PDE4D: variants seen among roughly 807,000 people sequenced by gnomAD.
PDE4D encodes phosphodiesterase 4D, also known as 3',5'-cyclic-AMP phosphodiesterase 4D.
Under a neutral mutation model 87.4 loss-of-function variants are expected in PDE4D, and 24 were observed. That is an observed-to-expected ratio of 0.27 (90% CI 0.20 to 0.39). The LOEUF is 0.39. Among genes scored for constraint, PDE4D ranks in the 10% least tolerant of loss-of-function variants. The pLI is 1.00. For missense variants in PDE4D, 714 were observed against 1,041.0 expected, an observed-to-expected ratio of 0.69 and a Z score of 4.32; for synonymous variants, 384 against 383.2, an observed-to-expected ratio of 1.00 and a Z score of -0.02.
chr5:59,594,670 C>T (rs1826420160), intron 1 of PDE4D, among the ~76,000 whole-genome samples: 1 of 152,044 alleles, frequency 6.6e-6, no homozygotes, highest in African/African-American at 2.4e-5. Flanking sequence ...TTATCCAGTA[C>T]ATGCCCAGCT....
rs1798818467 is a variant in PDE4D at position 59,449,433 on chromosome 5, T to A, written c.456-233465A>T. On this transcript the variant is annotated intron_variant, in intron 1 of 14. Coordinates refer to ENST00000340635, the MANE Select transcript of PDE4D (RefSeq NM_001104631.2). Reference sequence around the variant, plus strand: ...ATTCCTTCTAACGTCGTTATAAAACTTTAAAAATGCTCTACCCAGTAAAAC... The same window carrying A: ...ATTCCTTCTAACGTCGTTATAAAACATTAAAAATGCTCTACCCAGTAAAAC... Among the ~76,000 whole-genome samples, 3 of 152,216 alleles carry A rather than the reference T, an allele frequency of 2.0e-5. No individual in the cohort carries two copies. The South Asian group carries it at 6.2e-4, about 31-fold the overall frequency.
intron 1 of PDE4D, among the ~76,000 whole-genome samples, chr5:59,668,861 G>C (rs1746630294): frequency 1.5e-5 from 1 of 67,232 alleles, no homozygotes; most frequent in African/African-American, 7.1e-5. Context: ...AGAAGAAGAA[G>C]AAGAAGAAGA....
chr5:60,210,351 T>A (rs1332761166), intron 1 of PDE4D, among the ~76,000 whole-genome samples: 4 of 151,940 alleles, frequency 2.6e-5, no homozygotes, highest in African/African-American at 9.7e-5. Flanking sequence ...TCATTTGTTT[T>A]TTTTTTAAAA....
intron 1 of PDE4D, among the ~76,000 whole-genome samples, chr5:60,332,232 A>G (rs1757365348): frequency 6.6e-6 from 1 of 152,208 alleles, no homozygotes; most frequent in Admixed American, 6.5e-5. Context: ...GGTTTGTTAC[A>G]GGGATACACT....
chr5:60,134,835 A>C (rs192262511), intron 2 of PDE4D, among the ~76,000 whole-genome samples: 1 of 152,316 alleles, frequency 6.6e-6, no homozygotes, highest in East Asian at 1.9e-4. Flanking sequence ...GTTAAATCCC[A>C]GGATGCAGAA....
intron 5 of PDE4D, among the ~76,000 whole-genome samples, chr5:59,044,937 T>C (rs1373095814): frequency 6.6e-6 from 1 of 152,224 alleles, no homozygotes; most frequent in African/African-American, 2.4e-5. Context: ...TTTCATTGAC[T>C]TTTAGTCCCA....
intron 1 of PDE4D, among the ~76,000 whole-genome samples, chr5:59,688,524 G>T (rs1379288507): frequency 6.6e-6 from 1 of 152,100 alleles, no homozygotes; most frequent in Non-Finnish European, 1.5e-5. Context: ...AAACCAATGA[G>T]AACAAAGACA....
At chr5:60,273,904 C>G (rs10471477) in intron 1 of PDE4D, among the ~76,000 whole-genome samples, 48,329 of 151,914 alleles carry the variant, frequency 0.32, 7,782 homozygotes, top group Admixed American at 0.38. Context: ...GGCCTGGCCA[C>G]GGAGTGATCA....
intron 1 of PDE4D, among the ~76,000 whole-genome samples, chr5:59,813,838 T>C (rs1304598040): frequency 6.6e-6 from 1 of 152,202 alleles, no homozygotes; most frequent in Non-Finnish European, 1.5e-5. Context: ...CTATTTATGA[T>C]TGCAACCATC....
intron 1 of PDE4D, chr5:60,185,767 G>C: frequency 2.1e-6 from 1 of 486,176 alleles, no homozygotes; most frequent in Non-Finnish European, 3.8e-6. Context: ...GACTGGGACA[G>C]TTAATTCTTA....
At chr5:59,090,092 T>A (rs1406420798) in intron 5 of PDE4D, among the ~76,000 whole-genome samples, 1 of 152,112 alleles carries the variant, frequency 6.6e-6, no homozygotes, top group African/African-American at 2.4e-5. Context: ...ACATTAGCAA[T>A]TACTTACGGG....
intron 1 of PDE4D, among the ~76,000 whole-genome samples, chr5:59,458,453 T>A (rs1800248590): frequency 6.6e-6 from 1 of 152,184 alleles, no homozygotes; most frequent in African/African-American, 2.4e-5. Flanking sequence ...TACTGAAGGA[T>A]TTTGAACTGC....
At chr5:59,665,999 C>T (rs1009459283) in intron 1 of PDE4D, among the ~76,000 whole-genome samples, 5 of 152,154 alleles carry the variant, frequency 3.3e-5, no homozygotes, top group East Asian at 1.9e-4. Flanking sequence ...CTCCCTCTGT[C>T]GGCCAGGCTG....
intron 1 of PDE4D, among the ~76,000 whole-genome samples, chr5:59,294,123 G>GAAGGTTAATCATA (rs1768582686): frequency 6.6e-6 from 1 of 152,132 alleles, no homozygotes; most frequent in Non-Finnish European, 1.5e-5. Context: ...AAAATTAATT[G>GAAGGTTAATCATA]TGGAAACTTA....
chr5:60,282,298 T>TA lies in PDE4D; in HGVS notation c.-89-96612dup, dbSNP rs990482211. Among the ~76,000 whole-genome samples the TA allele has an allele frequency of 8.5e-4, 126 of 148,186 alleles. 1 individual carries two copies. Among genetic ancestry groups the TA allele is most frequent in the African/African-American group, 2.6e-3 (104 of 40,550 alleles). ...ATTCAGGGAAAAAAGGATTATACGG[T>TA]AAAAAAAAATCTGGAATATGCTACA... is the stretch of plus-strand genomic sequence containing the variant. On this transcript the variant is annotated intron_variant, in intron 1 of 16. Transcript: ENST00000502484.
chr5:59,114,668 TG>T (rs961969231), intron 5 of PDE4D, among the ~76,000 whole-genome samples: 35 of 150,554 alleles, frequency 2.3e-4, no homozygotes, highest in African/African-American at 7.3e-4. Context: ...AAAGGAAGGG[TG>T]GGGGGAAAGG....
intron 1 of PDE4D, among the ~76,000 whole-genome samples, chr5:59,566,806 C>A (rs1309015682): frequency 1.3e-5 from 2 of 151,882 alleles, no homozygotes; most frequent in East Asian, 3.9e-4. Flanking sequence ...AGGATGCCAA[C>A]TTAATCTATT....
intron 1 of PDE4D, among the ~76,000 whole-genome samples, chr5:59,829,219 CT>C (rs951147117): frequency 1.4e-4 from 21 of 151,762 alleles, no homozygotes; most frequent in Non-Finnish European, 1.9e-4. Context: ...CAGGAAAACA[CT>C]TTTTTTGTGA....
chr5:60,291,504 A>T (rs1001250860), intron 1 of PDE4D, among the ~76,000 whole-genome samples: 2 of 152,068 alleles, frequency 1.3e-5, no homozygotes, highest in Non-Finnish European at 2.9e-5. Context: ...AAAAGCAAAA[A>T]AAAACCTATT....
Sources: allele counts gnomAD v4.1 joint callset (sites outside exome capture counted in the v4.1 genomes callset), GRCh38; gene constraint gnomAD v4.1.1; transcripts MANE v1.5; gene names NCBI Gene and HGNC (gene_info 2026-07-23, HGNC 2026-07-21).